CSMD1: variants seen among roughly 807,000 people sequenced by gnomAD.
CSMD1 encodes the protein CUB and sushi domain-containing protein 1.
Under a neutral mutation model 417.5 loss-of-function variants are expected in CSMD1, and 213 were observed. The ratio of observed to expected loss-of-function variants is 0.51; its 90% CI spans 0.46 to 0.57. The LOEUF (loss-of-function observed/expected upper bound fraction) is 0.57, where lower values mean the gene tolerates loss of function less well. CSMD1 is among the 20% of genes least tolerant of loss of function. The pLI is 0.00. For synonymous variants in CSMD1, 2,862 were observed against 1,736.8 expected, an observed-to-expected ratio of 1.65 and a Z score of -16.11; for missense variants, 6,923 against 4,529.7, an observed-to-expected ratio of 1.53 and a Z score of -15.17.
chr8:3,661,541 G>T (rs114449260), intron 7 of CSMD1, among the ~76,000 whole-genome samples: 14 of 151,664 alleles, frequency 9.2e-5, no homozygotes, highest in African/African-American at 3.4e-4. Context: ...TTATCACCCA[G>T]GCTGCAGTGC....
At chr8:3,538,156 C>A (rs1798280728) in intron 10 of CSMD1, among the ~76,000 whole-genome samples, 1 of 152,184 alleles carries the variant, frequency 6.6e-6, no homozygotes, top group South Asian at 2.1e-4. Context: ...TACATCTTTA[C>A]TTGAAAAATT....
intron 1 of CSMD1, among the ~76,000 whole-genome samples, chr8:4,878,410 G>C (rs1326991406): frequency 6.6e-6 from 1 of 152,010 alleles, no homozygotes; most frequent in African/African-American, 2.4e-5. Flanking sequence ...TTTGTAGAAA[G>C]TATTAGTAAT....
chr8:3,922,552 T>C (rs2129144710), intron 5 of CSMD1, among the ~76,000 whole-genome samples: 1 of 152,274 alleles, frequency 6.6e-6, no homozygotes, highest in East Asian at 1.9e-4. Context: ...ACTAGAGTTT[T>C]TGATTTTTGT....
chr8:4,672,415 G>T (rs1316037089), intron 1 of CSMD1, among the ~76,000 whole-genome samples: 1 of 152,100 alleles, frequency 6.6e-6, no homozygotes, highest in Non-Finnish European at 1.5e-5. Flanking sequence ...AGTATGGGCA[G>T]AAAATATTTG....
chr8:4,688,957 G>A (rs559309874), intron 1 of CSMD1, among the ~76,000 whole-genome samples: 1 of 152,154 alleles, frequency 6.6e-6, no homozygotes, highest in African/African-American at 2.4e-5. Flanking sequence ...TCAAGAAATG[G>A]CCATTTTCCA....
intron 1 of CSMD1, among the ~76,000 whole-genome samples, chr8:4,816,161 C>G (rs1458225893): frequency 6.6e-6 from 1 of 151,666 alleles, no homozygotes; most frequent in Non-Finnish European, 1.5e-5. Context: ...TGCTTTGGCT[C>G]AGGTTGGTCA....
intron 12 of CSMD1, among the ~76,000 whole-genome samples, chr8:3,444,517 C>A (rs150748969): frequency 2.0e-5 from 3 of 152,142 alleles, no homozygotes; most frequent in Non-Finnish European, 4.4e-5. Flanking sequence ...CTCATTGGGA[C>A]ATTTGGCAAT....
rs575798622 is a variant in CSMD1, at chr8:3,786,209, C to G, written c.819-32167G>C. 3.6e-4 allele frequency among the ~76,000 whole-genome samples: 55 copies of G among 152,190 alleles called. No homozygotes were observed. In the East Asian group the frequency reaches 0.01, roughly 28 times the overall value. Reference sequence around the variant, plus strand: ...ATGAGATCTCCCCTGTTATTTTGGGCACGTTGGGATCAAGGTGTCGCTAAG... The same window carrying G: ...ATGAGATCTCCCCTGTTATTTTGGGGACGTTGGGATCAAGGTGTCGCTAAG... On this transcript the variant is annotated intron_variant, in intron 5 of 69. Transcript: ENST00000635120.
intron 5 of CSMD1, among the ~76,000 whole-genome samples, chr8:3,856,524 G>A (rs560315637): frequency 3.9e-5 from 6 of 152,258 alleles, no homozygotes; most frequent in Admixed American, 6.5e-5. Context: ...TGGAAATCAC[G>A]TAATAAATGC....
At chr8:3,037,286 A>G (rs538434340) in intron 50 of CSMD1, among the ~76,000 whole-genome samples, 2 of 144,368 alleles carry the variant, frequency 1.4e-5, no homozygotes, top group African/African-American at 2.7e-5. Context: ...GCTCACTGCA[A>G]GCTCCGCCTC....
intron 5 of CSMD1, among the ~76,000 whole-genome samples, chr8:3,984,707 A>T (rs2433247): frequency 0.15 from 1,188 of 7,912 alleles, 88 homozygotes; most frequent in African/African-American, 0.2. Flanking sequence ...TATATATCAT[A>T]TATATATATA....
At chr8:4,917,274 A>C (rs1208210017) in intron 1 of CSMD1, among the ~76,000 whole-genome samples, 1 of 152,134 alleles carries the variant, frequency 6.6e-6, no homozygotes, top group Non-Finnish European at 1.5e-5. Context: ...AAACCATTAA[A>C]AACCACCCCC....
chr8:3,928,566 A>C (rs1378540333), intron 5 of CSMD1, among the ~76,000 whole-genome samples: 1 of 136,312 alleles, frequency 7.3e-6, no homozygotes, highest in Non-Finnish European at 1.6e-5. Flanking sequence ...TACTAAGTTC[A>C]GATCTACAAG....
chr8:4,834,731 C>T (rs984528569), intron 1 of CSMD1, among the ~76,000 whole-genome samples: 6 of 151,316 alleles, frequency 4.0e-5, no homozygotes, highest in South Asian at 2.1e-4. Context: ...CCGAGGCGGG[C>T]GGATCACGAC....
chr8:3,115,498 G>C (rs958992357), intron 42 of CSMD1, among the ~76,000 whole-genome samples: 1 of 152,144 alleles, frequency 6.6e-6, no homozygotes, highest in African/African-American at 2.4e-5. Flanking sequence ...CACTGTGCCC[G>C]GCCTAAAACC....
chr8:4,192,955 C>T (rs530549939), intron 3 of CSMD1, among the ~76,000 whole-genome samples: 2 of 152,174 alleles, frequency 1.3e-5, no homozygotes, highest in Non-Finnish European at 2.9e-5. Flanking sequence ...GCTACCCTTC[C>T]TATTTTCATA....
At chr8:3,712,282 C>G (rs1471622965) in intron 6 of CSMD1, among the ~76,000 whole-genome samples, 1 of 152,022 alleles carries the variant, frequency 6.6e-6, no homozygotes, top group African/African-American at 2.4e-5. Context: ...TTTTTGGGTT[C>G]TCCTCTTTTC....
intron 23 of CSMD1, among the ~76,000 whole-genome samples, chr8:3,341,307 A>G (rs1379098190): frequency 2.6e-5 from 4 of 152,212 alleles, no homozygotes; most frequent in Admixed American, 1.3e-4. Flanking sequence ...AAGAGGCTTC[A>G]GAATTATGGA....
At chr8:3,008,384 G>C (rs78495800) in intron 52 of CSMD1, among the ~76,000 whole-genome samples, 3,134 of 152,298 alleles carry the variant, frequency 0.021, 99 homozygotes, top group African/African-American at 0.07. Context: ...CCTTAGACCA[G>C]GGGAGGCTGC....
Sources: allele counts gnomAD v4.1 joint callset (sites outside exome capture counted in the v4.1 genomes callset), GRCh38; gene constraint gnomAD v4.1.1; transcripts MANE v1.5; gene names NCBI Gene and HGNC (gene_info 2026-07-23, HGNC 2026-07-21).